Variants in SLC39A11 observed in about 807,000 individuals in gnomAD.
SLC39A11 encodes zinc transporter ZIP11.
Under a neutral mutation model 36.1 loss-of-function variants are expected in SLC39A11, and 33 were observed. The observed-to-expected ratio is 0.91, with a 90% CI of 0.69 to 1.22. SLC39A11 has a LOEUF of 1.22. SLC39A11 is among the 50% of genes most tolerant of loss of function. The pLI, the probability that SLC39A11 is intolerant of heterozygous loss-of-function variation, is 0.00. For synonymous variants in SLC39A11, 166 were observed against 170.3 expected, an observed-to-expected ratio of 0.97 and a Z score of 0.20; for missense variants, 432 against 430.3, an observed-to-expected ratio of 1.00 and a Z score of -0.03.
chr17:72,898,879 A>T (rs1180809131), intron 5 of SLC39A11, among the ~76,000 whole-genome samples: 2 of 152,180 alleles, frequency 1.3e-5, no homozygotes, highest in Non-Finnish European at 2.9e-5. Flanking sequence ...TTGCTCAGGG[A>T]GGCGACTGCC....
chr17:72,820,163 A>G (rs546380485), intron 6 of SLC39A11, among the ~76,000 whole-genome samples: 2 of 151,358 alleles, frequency 1.3e-5, no homozygotes, highest in South Asian at 4.2e-4. Flanking sequence ...CCTATGGACA[A>G]TTGTAATAAA....
At chr17:73,044,841 C>A (rs1481160525) in intron 3 of SLC39A11, among the ~76,000 whole-genome samples, 4 of 148,318 alleles carry the variant, frequency 2.7e-5, no homozygotes, top group East Asian at 4.0e-4. Flanking sequence ...CACGCCACTG[C>A]ACTCCAGCCT....
chr17:72,938,332 T>C (rs1173857798), intron 5 of SLC39A11, among the ~76,000 whole-genome samples: 5 of 152,206 alleles, frequency 3.3e-5, no homozygotes, highest in African/African-American at 1.2e-4. Context: ...TGTTCTGTAC[T>C]TCACGCAGGT....
At chr17:72,765,151 G>A (rs1419319529) in intron 6 of SLC39A11, among the ~76,000 whole-genome samples, 1 of 152,166 alleles carries the variant, frequency 6.6e-6, no homozygotes, top group Non-Finnish European at 1.5e-5. Context: ...TCTTTCCAGA[G>A]GTCAAAAGAT....
At chr17:72,875,915 A>G (rs1251625823) in intron 5 of SLC39A11, among the ~76,000 whole-genome samples, 1 of 152,192 alleles carries the variant, frequency 6.6e-6, no homozygotes, top group Non-Finnish European at 1.5e-5. Context: ...CTGCCATGGC[A>G]ACATCCTGGA....
intron 7 of SLC39A11, among the ~76,000 whole-genome samples, chr17:72,687,839 T>C (rs1176442708): frequency 6.6e-6 from 1 of 152,194 alleles, no homozygotes; most frequent in East Asian, 1.9e-4. Flanking sequence ...CTTTGCCAAG[T>C]AGGCATAATT....
chr17:73,092,572 C>G lies in SLC39A11; in HGVS notation c.-12+39G>C, dbSNP rs1342899363. ...ATGGCCTCCGACCCCGGGCCTCGAG[C>G]CCAACCAAAGGCACCGAAGGAGAGA... On this transcript the variant is annotated intron_variant, in intron 1 of 9. Coordinates refer to ENST00000255559, the MANE Select transcript of SLC39A11 (RefSeq NM_139177.4). 1.0e-4 allele frequency: 16 copies of G among 152,920 alleles called. No individual in the cohort carries two copies. The Admixed American group carries it at 1.0e-3, about 10-fold the overall frequency. The allele number at this position is 152,920 out of a possible 1,614,324, so 9.5% of individuals were successfully genotyped here.
intron 7 of SLC39A11, among the ~76,000 whole-genome samples, chr17:72,670,776 G>A (rs891168459): frequency 1.3e-5 from 2 of 152,176 alleles, no homozygotes; most frequent in African/African-American, 4.8e-5. Flanking sequence ...TTGGAAAGAT[G>A]TACTTACCTT....
intron 7 of SLC39A11, among the ~76,000 whole-genome samples, chr17:72,674,759 T>C (rs2071178895): frequency 6.6e-6 from 1 of 152,226 alleles, no homozygotes; most frequent in South Asian, 2.1e-4. Flanking sequence ...GGTGTCCTAG[T>C]GTTGTTACAA....
intron 3 of SLC39A11, among the ~76,000 whole-genome samples, chr17:73,054,112 C>T (rs1383063749): frequency 6.6e-6 from 1 of 152,254 alleles, no homozygotes; most frequent in Non-Finnish European, 1.5e-5. Context: ...TGCCTGTAAT[C>T]CCAGCACTTT....
At chr17:72,918,044 C>A (rs1011266517) in intron 5 of SLC39A11, among the ~76,000 whole-genome samples, 1 of 152,204 alleles carries the variant, frequency 6.6e-6, no homozygotes, top group African/African-American at 2.4e-5. Context: ...GCTGAACTTA[C>A]GAGATTCGTG....
intron 7 of SLC39A11, among the ~76,000 whole-genome samples, chr17:72,650,596 C>T (rs979472939): frequency 1.4e-4 from 22 of 152,142 alleles, no homozygotes; most frequent in African/African-American, 4.8e-4. Context: ...GCAGCCCCTC[C>T]ATGAAGGGCC....
intron 5 of SLC39A11, among the ~76,000 whole-genome samples, chr17:72,889,794 T>C (rs2081631759): frequency 6.6e-6 from 1 of 152,190 alleles, no homozygotes; most frequent in Admixed American, 6.5e-5. Context: ...ACGGCAATAG[T>C]TTTTTCATTG....
chr17:73,012,932 G>A (rs1028321002), intron 4 of SLC39A11, among the ~76,000 whole-genome samples: 1 of 151,794 alleles, frequency 6.6e-6, no homozygotes, highest in African/African-American at 2.4e-5. Flanking sequence ...TGGAGTAGCT[G>A]AGACTACAAG....
intron 5 of SLC39A11, among the ~76,000 whole-genome samples, chr17:72,936,413 A>G (rs1433153791): frequency 4.4e-4 from 1 of 2,278 alleles, no homozygotes; most frequent in Admixed American, 0.011. Context: ...AAAAAAAGTA[A>G]AAAAAAAAAA....
At chr17:72,729,430 TATATATATATATATA>T (rs1567994642) in intron 7 of SLC39A11, among the ~76,000 whole-genome samples, 40 of 3,178 alleles carry the variant, frequency 0.013, 5 homozygotes, top group South Asian at 0.043. Flanking sequence ...TATATATATA[TATATATATATATATA>T]TATATATATA....
intron 5 of SLC39A11, among the ~76,000 whole-genome samples, chr17:72,895,082 T>C (rs886990587): frequency 1.3e-5 from 2 of 150,888 alleles, no homozygotes; most frequent in African/African-American, 2.5e-5. Context: ...AAGGTAGCTA[T>C]TGCTAGTTGC....
chr17:73,010,284 C>T (rs998228619), intron 4 of SLC39A11, among the ~76,000 whole-genome samples: 3 of 152,154 alleles, frequency 2.0e-5, no homozygotes, highest in South Asian at 2.1e-4. Context: ...TCTCCCTTTT[C>T]ATCTTCGGAC....
intron 7 of SLC39A11, among the ~76,000 whole-genome samples, chr17:72,697,867 C>A: frequency 6.6e-6 from 1 of 152,114 alleles, no homozygotes; most frequent in Non-Finnish European, 1.5e-5. Context: ...CCTGCCAATG[C>A]CCCCTGGCTG....
Sources: allele counts gnomAD v4.1 joint callset (sites outside exome capture counted in the v4.1 genomes callset), GRCh38; gene constraint gnomAD v4.1.1; transcripts MANE v1.5; gene names NCBI Gene and HGNC (gene_info 2026-07-23, HGNC 2026-07-21).